Variants in VWA3B observed in about 807,000 individuals in gnomAD.
The protein encoded by VWA3B is von Willebrand factor A domain-containing protein 3B.
In VWA3B, 138 loss-of-function variants were observed where a neutral mutation model predicts 158.3. The ratio of observed to expected loss-of-function variants is 0.87; its 90% confidence interval spans 0.76 to 1.00. The LOEUF is 1.00. Among genes scored for constraint, VWA3B ranks in the 50% least tolerant of loss-of-function variants. The probability of loss-of-function intolerance (pLI) is 0.00; values close to 1 mark genes in which losing one functional copy is unlikely to be tolerated. For synonymous variants in VWA3B, 596 were observed against 587.3 expected, an observed-to-expected ratio of 1.01 and a Z score of -0.21; for missense variants, 1,555 against 1,565.1, an observed-to-expected ratio of 0.99 and a Z score of 0.11.
chr2:98,265,060 T>C (rs1207924418), intron 21 of VWA3B, among the ~76,000 whole-genome samples: 2 of 152,020 alleles, frequency 1.3e-5, no homozygotes, highest in East Asian at 3.8e-4. Flanking sequence ...TTTATTATTA[T>C]ACTTTAAGTT....
At chr2:98,124,948 A>G (rs924555460) in intron 5 of VWA3B, among the ~76,000 whole-genome samples, 1 of 152,228 alleles carries the variant, frequency 6.6e-6, no homozygotes, top group Non-Finnish European at 1.5e-5. Flanking sequence ...GCTCCTCCCT[A>G]CTTGATGTCA....
intron 8 of VWA3B, among the ~76,000 whole-genome samples, chr2:98,171,229 A>C (rs534529994): frequency 6.6e-6 from 1 of 152,350 alleles, no homozygotes; most frequent in East Asian, 1.9e-4. Flanking sequence ...CTCATAAAGC[A>C]GGACCTACAT....
chr2:98,111,513 G>C (rs1674131575), intron 2 of VWA3B, among the ~76,000 whole-genome samples: 1 of 152,162 alleles, frequency 6.6e-6, no homozygotes, highest in African/African-American at 2.4e-5. Flanking sequence ...TACATTCCCA[G>C]CAACAGTGTA....
intron 21 of VWA3B, among the ~76,000 whole-genome samples, chr2:98,267,216 G>A (rs1476971435): frequency 1.1e-4 from 17 of 151,162 alleles, no homozygotes; most frequent in East Asian, 3.9e-4. Context: ...TTTGAGATAC[G>A]TCCCATCAAT....
chr2:98,119,842 G>A, intron 4 of VWA3B, 79 bp downstream of exon 4: 3 of 1,516,480 alleles, frequency 2.0e-6, no homozygotes, highest in Non-Finnish European at 2.7e-6. Context: ...TAGCACAGCT[G>A]ACACAGTTAG....
intron 12 of VWA3B, among the ~76,000 whole-genome samples, chr2:98,199,953 G>A (rs772069852): frequency 7.9e-5 from 12 of 152,140 alleles, no homozygotes; most frequent in East Asian, 3.9e-4. Context: ...TGGCTGTACC[G>A]TTTTGCATTC....
chr2:98,138,789 G>T (rs7559678), intron 7 of VWA3B, among the ~76,000 whole-genome samples: 64,534 of 152,084 alleles, frequency 0.42, 14,092 homozygotes, highest in African/African-American at 0.46. Context: ...GGTACGTGGC[G>T]GTTGTCTCAG....
intron 26 of VWA3B, among the ~76,000 whole-genome samples, chr2:98,306,269 A>G (rs1690520593): frequency 6.6e-6 from 1 of 151,904 alleles, no homozygotes; most frequent in African/African-American, 2.4e-5. Flanking sequence ...TTTGCATTGG[A>G]CACTGTAGGC....
chr2:98,164,142 A>G (rs559276665), intron 8 of VWA3B, among the ~76,000 whole-genome samples: 1 of 152,314 alleles, frequency 6.6e-6, no homozygotes, highest in African/African-American at 2.4e-5. Flanking sequence ...TCAGATGCCT[A>G]CAGGAAGGCC....
chr2:98,268,329 A>G (rs1380593786), intron 21 of VWA3B, among the ~76,000 whole-genome samples: 1 of 152,066 alleles, frequency 6.6e-6, no homozygotes, highest in East Asian at 1.9e-4. Flanking sequence ...GCACATCAAA[A>G]AGCTTATCCA....
At chr2:98,170,903 C>T (rs1274417532) in intron 8 of VWA3B, among the ~76,000 whole-genome samples, 1 of 152,158 alleles carries the variant, frequency 6.6e-6, no homozygotes, top group Non-Finnish European at 1.5e-5. Flanking sequence ...CCGTGCCCGA[C>T]CAGAACAATA....
chr2:98,329,431 G>T, the VWA3B span, among the ~76,000 whole-genome samples: 1 of 151,952 alleles, frequency 6.6e-6, no homozygotes, highest in Non-Finnish European at 1.5e-5. Flanking sequence ...TTTGCAATAC[G>T]TATTATTTGA....
intron 7 of VWA3B, among the ~76,000 whole-genome samples, chr2:98,140,579 A>G (rs1194266306): frequency 6.6e-6 from 1 of 152,086 alleles, no homozygotes; most frequent in African/African-American, 2.4e-5. Context: ...CTCTGTGTGA[A>G]GGTATTCCTG....
chr2:98,236,815 G>T (rs1274901053), intron 19 of VWA3B, 85 bp downstream of exon 19: 54 of 1,505,504 alleles, frequency 3.6e-5, no homozygotes, highest in Non-Finnish European at 4.5e-5. Context: ...TTGTGTGGTT[G>T]TAACAGAAAT....
In VWA3B at chr2:98,256,182, A is replaced by G. The variant is rs1204612693; in HGVS notation, c.2843+8A>G. The G allele has an allele frequency of 1.3e-6, 2 of 1,591,520 alleles. No homozygotes were observed. Among genetic ancestry groups the G allele is most frequent in the South Asian group, 1.1e-5 (1 of 89,162 alleles). On this transcript the variant is annotated splice_region_variant and intron_variant, in intron 21 of 27. Transcript: ENST00000477737. ...TCAAGAGGAAAAAGAAAAGTAAGCC[A>G]TTCCATTCCCTCCTCACTTTTTTTT...
chr2:98,097,796 C>T (rs1191506902), intron 2 of VWA3B, among the ~76,000 whole-genome samples: 2 of 151,966 alleles, frequency 1.3e-5, no homozygotes, highest in African/African-American at 4.8e-5. Flanking sequence ...TATTAATGGC[C>T]ATTCTGGCTG....
chr2:98,159,168 T>A (rs1212104263), intron 7 of VWA3B, among the ~76,000 whole-genome samples: 1 of 152,240 alleles, frequency 6.6e-6, no homozygotes, highest in Admixed American at 6.5e-5. Flanking sequence ...TAGGTGCTAA[T>A]GAAAAACAGC....
At position 98,297,920 on chromosome 2, in the gene VWA3B, G is replaced by T; in HGVS notation, c.3171G>T (p.Lys1057Asn). 6.5e-7 allele frequency: 1 copy of T among 1,549,426 alleles called. No individual in the cohort carries two copies. Among genetic ancestry groups the T allele is most frequent in the Non-Finnish European group, 8.7e-7 (1 of 1,148,568 alleles). The part of the protein sequence containing the change: ...NGFYFPGVVK[K>N]CVSRTQALVG... ...GATTCCTTCCAGGGGTTGTGAAGAA[G>T]TGTGTGAGCCGCACCCAAGCACTGG... The change falls in exon 24 of 28, where the codon AAG becomes AAT. Residue 1057 changes from lysine to asparagine, a missense_variant. By Grantham distance (94) the Lys-to-Asn change is moderately conservative. Transcript: ENST00000477737.
At chr2:98,173,877 G>T (rs566732252) in intron 8 of VWA3B, among the ~76,000 whole-genome samples, 1 of 152,060 alleles carries the variant, frequency 6.6e-6, no homozygotes, top group African/African-American at 2.4e-5. Context: ...GAGGAAAGGA[G>T]AATTGCTTGA....
Sources: gnomAD v4.1 joint callset for allele counts (sites outside exome capture counted in the v4.1 genomes callset) on GRCh38, gnomAD v4.1.1 for gene constraint, MANE v1.5 for transcripts, NCBI Gene and HGNC (gene_info 2026-07-23, HGNC 2026-07-21) for gene names.